Variants in DCBLD2 observed in about 807,000 individuals in gnomAD.
DCBLD2 encodes the protein discoidin, CUB and LCCL domain containing 2.
In DCBLD2, 54 loss-of-function variants were observed where a neutral mutation model predicts 86.8. The observed-to-expected ratio is 0.62, with a 90% CI of 0.50 to 0.78. DCBLD2 has a LOEUF of 0.78. Among genes scored for constraint, DCBLD2 ranks in the 30% least tolerant of loss-of-function variants. DCBLD2 has a pLI of 0.00. For missense variants in DCBLD2, 908 were observed against 954.2 expected (o/e 0.95, Z 0.64); for synonymous variants, 354 against 341.3 (o/e 1.04, Z -0.41).
At chr3:98,861,358 G>C (rs1487699190) in intron 2 of DCBLD2, among the ~76,000 whole-genome samples, 1 of 152,148 alleles carries the variant, frequency 6.6e-6, no homozygotes, top group Non-Finnish European at 1.5e-5. Context: ...ATTGAACTTA[G>C]CTCTGCACCA....
Position 98,900,924 on chromosome 3 carries a change from G to T in DCBLD2, c.205+198C>A, listed in dbSNP as rs1329426859. ...GAAAAATAAATGGCCTTGCCAAAAA[G>T]TAAAGCCGCGCCAACTTGGGGGACA... On this transcript the variant is annotated intron_variant, in intron 1 of 15. Transcript: ENST00000326840. 3.2e-5 allele frequency: 31 copies of T among 964,404 alleles called. 1 individual carries two copies. Among genetic ancestry groups the T allele is most frequent in the Non-Finnish European group, 4.3e-5 (29 of 675,534 alleles). 59.7% of individuals were successfully genotyped at this position (964,404 alleles called of 1,614,324 possible).
chr3:98,894,762 T>C (rs1943723534), intron 1 of DCBLD2, among the ~76,000 whole-genome samples: 1 of 152,130 alleles, frequency 6.6e-6, no homozygotes, highest in Admixed American at 6.5e-5. Flanking sequence ...TGCCAAGGGA[T>C]GAACCAAATA....
chr3:98,843,398 C>T (rs1942655761), intron 3 of DCBLD2, among the ~76,000 whole-genome samples: 1 of 152,074 alleles, frequency 6.6e-6, no homozygotes, highest in Non-Finnish European at 1.5e-5. Flanking sequence ...AATTGTAGTA[C>T]TGGAAACAAA....
chr3:98,900,232 A>C (rs1943823862), intron 1 of DCBLD2, among the ~76,000 whole-genome samples: 1 of 152,288 alleles, frequency 6.6e-6, no homozygotes, highest in East Asian at 1.9e-4. Flanking sequence ...CTTTTTAAAA[A>C]ACTCTCTTCC....
At chr3:98,835,508 G>T (rs1458309791) in intron 3 of DCBLD2, among the ~76,000 whole-genome samples, 10 of 141,426 alleles carry the variant, frequency 7.1e-5, no homozygotes, top group South Asian at 2.3e-4. Flanking sequence ...TATGTGCCAG[G>T]TTCACTTATC....
intron 2 of DCBLD2, among the ~76,000 whole-genome samples, chr3:98,874,450 C>T (rs890235059): frequency 1.3e-5 from 2 of 152,094 alleles, no homozygotes; most frequent in Non-Finnish European, 2.9e-5. Context: ...ATATAATACA[C>T]TATACCAATA....
chr3:98,799,353 G>T lies in DCBLD2; in HGVS notation c.*19C>A. The T allele has an allele frequency of 3.8e-6, 6 of 1,571,424 alleles. No individual in the cohort carries two copies. In the African/African-American group the frequency reaches 5.5e-5, roughly 14 times the overall value. On this transcript the variant is annotated 3_prime_UTR_variant, in exon 16 of 16. Transcript: ENST00000326840. ...GCCATGTGCTTTAAAACGATGCTTTGTAAAAAGCAGCATCATCTTCAAAGG... is the reference window on the plus strand; with the variant it reads ...GCCATGTGCTTTAAAACGATGCTTTTTAAAAAGCAGCATCATCTTCAAAGG...
chr3:98,840,275 T>C (rs558439981), intron 3 of DCBLD2, among the ~76,000 whole-genome samples: 1 of 152,174 alleles, frequency 6.6e-6, no homozygotes, highest in Non-Finnish European at 1.5e-5. Flanking sequence ...TTCTGGTACA[T>C]GTACATATAT....
At chr3:98,868,832 C>CAT (rs1411165045) in intron 2 of DCBLD2, among the ~76,000 whole-genome samples, 3 of 152,014 alleles carry the variant, frequency 2.0e-5, no homozygotes, top group Admixed American at 6.6e-5. Context: ...ATGTTTACAT[C>CAT]ATATATATAT....
chr3:98,812,389 A>T lies in DCBLD2; in HGVS notation c.1306T>A (p.Trp436Arg). ...ATTTTCATGGCAATTTTCTGCTGCC[A>T]TTGGGTAGGATTCACTCTAATAAAA... ...ARFIRVNPTQ[W>R]QQKIAMKMEL... Residue 436 changes from tryptophan to arginine, a missense_variant, in exon 10 of 16, where the codon TGG becomes AGG. Transcript: ENST00000326840. 1 of 1,613,524 alleles carries T rather than the reference A, an allele frequency of 6.2e-7. No individual in the cohort carries two copies. The highest frequency in any genetic ancestry group is 8.5e-7 in the Non-Finnish European group (1 of 1,179,642).
chr3:98,820,864 G>A (rs1471048120), intron 6 of DCBLD2: 1 of 149,084 alleles, frequency 6.7e-6, no homozygotes, highest in Non-Finnish European at 1.5e-5. Context: ...ATTACAAGAG[G>A]ATGCAATTTA....
At chr3:98,882,279 T>C (rs1943484760) in intron 1 of DCBLD2, among the ~76,000 whole-genome samples, 2 of 152,298 alleles carry the variant, frequency 1.3e-5, no homozygotes, top group South Asian at 2.1e-4. Flanking sequence ...AATATACATA[T>C]ACATGTTATA....
At chr3:98,819,544 G>T in intron 7 of DCBLD2, 127 bp from the exon 8 acceptor site, 1 of 973,426 alleles carries the variant, frequency 1.0e-6, no homozygotes, top group Non-Finnish European at 1.5e-6. Flanking sequence ...CACTGTAACA[G>T]AGAAATTTCA....
chr3:98,824,217 A>G (rs1559775194), intron 4 of DCBLD2, among the ~76,000 whole-genome samples: 1 of 152,206 alleles, frequency 6.6e-6, no homozygotes, highest in Non-Finnish European at 1.5e-5. Flanking sequence ...CAGCTTACAT[A>G]CATAATCTGA....
chr3:98,817,863 T>G lies in DCBLD2; in HGVS notation c.1118A>C (p.Glu373Ala), dbSNP rs1559772359. The G allele has an allele frequency of 6.2e-7, 1 of 1,613,550 alleles. No homozygotes were observed. Residue 373 changes from glutamate (E) to alanine (A), a missense_variant, in exon 9 of 16, where the codon GAG becomes GCG. Coordinates refer to ENST00000326840, the MANE Select transcript of DCBLD2 (RefSeq NM_080927.4). ...GTAGGCAGACACATAGTAATTGTGC[T>G]CCACCATGGTGGATCCAGTGGTTAT... Reference protein sequence around the residue: ...GIITTGSTMVEHNYYVSAYRI... With the variant: ...GIITTGSTMVAHNYYVSAYRI...
intron 3 of DCBLD2, among the ~76,000 whole-genome samples, chr3:98,847,394 T>C (rs1338911377): frequency 6.6e-6 from 1 of 152,220 alleles, no homozygotes; most frequent in African/African-American, 2.4e-5. Flanking sequence ...AAAATATTAA[T>C]TGTTCATTTG....
chr3:98,900,097 C>G (rs982785164), intron 1 of DCBLD2, among the ~76,000 whole-genome samples: 1 of 152,032 alleles, frequency 6.6e-6, no homozygotes, highest in Non-Finnish European at 1.5e-5. Flanking sequence ...CTTATAGTTA[C>G]AGAGATTATA....
At chr3:98,865,772 C>T (rs1943131648) in intron 2 of DCBLD2, among the ~76,000 whole-genome samples, 1 of 152,098 alleles carries the variant, frequency 6.6e-6, no homozygotes, top group South Asian at 2.1e-4. Context: ...GTGCAGGTGA[C>T]ATATGTATAC....
At chr3:98,826,164 T>TA (rs5851139) in intron 3 of DCBLD2, among the ~76,000 whole-genome samples, 65,125 of 150,542 alleles carry the variant, frequency 0.43, 14,119 homozygotes, top group African/African-American at 0.46. Flanking sequence ...TGGCTTTGGT[T>TA]AAAAAAAAAG....
Sources: allele counts gnomAD v4.1 joint callset (sites outside exome capture counted in the v4.1 genomes callset), GRCh38; gene constraint gnomAD v4.1.1; transcripts MANE v1.5; gene names NCBI Gene and HGNC (gene_info 2026-07-23, HGNC 2026-07-21).